The following MALRD1 variants were observed in gnomAD, a reference collection of about 807,000 sequenced individuals.
MALRD1 encodes MAM and LDL receptor class A domain containing 1.
In MALRD1, 247 loss-of-function variants were observed where a neutral mutation model predicts 242.1. The observed-to-expected ratio is 1.02, with a 90% CI of 0.92 to 1.13. MALRD1 has a LOEUF of 1.13. MALRD1 is among the 50% of genes most tolerant of loss of function. MALRD1 has a pLI of 0.00. For missense variants in MALRD1, 2,989 were observed against 2,533.1 expected (o/e 1.18, Z -3.86); for synonymous variants, 995 against 866.6 (o/e 1.15, Z -2.60).
intron 26 of MALRD1, among the ~76,000 whole-genome samples, chr10:19,373,616 G>A (rs1053570740): frequency 1.3e-5 from 2 of 152,162 alleles, no homozygotes; most frequent in South Asian, 2.1e-4. Flanking sequence ...TAAAATACTA[G>A]AGAAAACATT....
intron 26 of MALRD1, among the ~76,000 whole-genome samples, chr10:19,382,196 A>G (rs1845865415): frequency 6.6e-6 from 1 of 152,180 alleles, no homozygotes; most frequent in African/African-American, 2.4e-5. Flanking sequence ...AAAACTCTAG[A>G]TCATCCTCAC....
At chr10:19,484,718 C>T (rs1837163809) in intron 29 of MALRD1, among the ~76,000 whole-genome samples, 2 of 152,152 alleles carry the variant, frequency 1.3e-5, no homozygotes, top group South Asian at 2.1e-4. Flanking sequence ...TTATACACCA[C>T]TGATGGAAAT....
At chr10:19,209,816 T>G in intron 18 of MALRD1, 136 bp downstream of exon 18, 1 of 884,466 alleles carries the variant, frequency 1.1e-6, no homozygotes, top group South Asian at 1.9e-5. Context: ...TATCATTTAT[T>G]TGAGGGTGTA....
At chr10:19,103,303 T>G (rs1836335235) in intron 4 of MALRD1, among the ~76,000 whole-genome samples, 1 of 151,918 alleles carries the variant, frequency 6.6e-6, no homozygotes, top group Admixed American at 6.6e-5. Context: ...GGCTCAAGCC[T>G]GTAATCCCAA....
At chr10:19,168,283 C>T (rs1387300975) in intron 13 of MALRD1, among the ~76,000 whole-genome samples, 3 of 152,168 alleles carry the variant, frequency 2.0e-5, no homozygotes. Flanking sequence ...GTGTCAATCT[C>T]CATTGCAAGG....
intron 18 of MALRD1, among the ~76,000 whole-genome samples, chr10:19,246,620 A>T (rs2131767774): frequency 6.6e-6 from 1 of 152,250 alleles, no homozygotes; most frequent in African/African-American, 2.4e-5. Flanking sequence ...AGAACAAAAA[A>T]TAGAACTCAG....
At chr10:19,259,293 T>C (rs1248042970) in intron 19 of MALRD1, among the ~76,000 whole-genome samples, 1 of 152,134 alleles carries the variant, frequency 6.6e-6, no homozygotes, top group Non-Finnish European at 1.5e-5. Context: ...AAAGGCCTCT[T>C]AGCTAATACT....
chr10:19,578,965 T>C (rs967858062), intron 33 of MALRD1, among the ~76,000 whole-genome samples: 1 of 152,152 alleles, frequency 6.6e-6, no homozygotes, highest in Non-Finnish European at 1.5e-5. Context: ...CAACTTAATC[T>C]AATCACATTT....
chr10:19,547,818 A>ATT lies in MALRD1; in HGVS notation c.5478+16497_5478+16498dup, dbSNP rs869038128. ...TATATATATATATATATATATATATATTTTTTTTTTTTTTTTTTTTTTTTT... is the reference window on the plus strand; with the variant it reads ...TATATATATATATATATATATATATATTTTTTTTTTTTTTTTTTTTTTTTTTT... On this transcript the variant is annotated intron_variant, in intron 32 of 39. Transcript: ENST00000454679. 1.7e-3 allele frequency among the ~76,000 whole-genome samples: 29 copies of ATT among 16,914 alleles called. 2 individuals are homozygous for ATT. The highest frequency in any genetic ancestry group is 0.083 in the Middle Eastern group (1 of 12). The allele number at this position is 16,914 out of a possible 152,430, so 11.1% of individuals were successfully genotyped here. A position where few individuals can be genotyped will look rare whatever the true frequency, so the allele number is the denominator to read the frequency against.
chr10:19,575,473 A>G (rs1836764847), intron 33 of MALRD1, among the ~76,000 whole-genome samples: 1 of 137,714 alleles, frequency 7.3e-6, no homozygotes, highest in Admixed American at 7.9e-5. Flanking sequence ...ATGAAAGTAA[A>G]GGCCATGGTT....
chr10:19,298,056 A>G (rs1841787774), intron 21 of MALRD1, among the ~76,000 whole-genome samples: 1 of 152,018 alleles, frequency 6.6e-6, no homozygotes, highest in South Asian at 2.1e-4. Context: ...TAAATGAAAC[A>G]GGTTTATTTA....
intron 4 of MALRD1, among the ~76,000 whole-genome samples, chr10:19,099,716 C>T (rs535046417): frequency 1.4e-4 from 21 of 151,392 alleles, no homozygotes; most frequent in Non-Finnish European, 2.7e-4. Context: ...TACCATACAC[C>T]AACACAGCTC....
At chr10:19,202,654 T>A (rs1012995701) in intron 14 of MALRD1, among the ~76,000 whole-genome samples, 1 of 152,206 alleles carries the variant, frequency 6.6e-6, no homozygotes. Context: ...ATTGCTATAT[T>A]CCTTGATAAA....
In MALRD1 at chr10:19,450,442, G is replaced by A. The variant is rs1353694523; in HGVS notation, c.4981G>A (p.Gly1661Arg). 1.4e-5 allele frequency: 22 copies of A among 1,550,394 alleles called. No homozygotes were observed. Among genetic ancestry groups the A allele is most frequent in the Admixed American group, 2.0e-5 (1 of 50,956 alleles). ...TCAAGGTATCAGAACAAGGGACCTG[G>A]GAGGAGGAGCTGCAATTGATGATAT... ...IFQGIRTRDL[G>R]GGAAIDDIEF... Residue 1661 changes from glycine to arginine, a missense_variant, in exon 29 of 40, where the codon GGA becomes AGA. Physicochemically the swap from Gly to Arg is moderately radical, Grantham distance 125. Transcript: ENST00000454679.
At chr10:19,143,275 G>A (rs948332272) in intron 10 of MALRD1, among the ~76,000 whole-genome samples, 9 of 152,134 alleles carry the variant, frequency 5.9e-5, no homozygotes, top group South Asian at 2.1e-4. Flanking sequence ...ATGTCTTTGC[G>A]GTTGAGCGAC....
chr10:19,389,659 A>C, intron 28 of MALRD1, 50 bp downstream of exon 28: 1 of 1,517,030 alleles, frequency 6.6e-7, no homozygotes, highest in Non-Finnish European at 8.9e-7. Context: ...TCTGTTTTAG[A>C]GACAGGGTCT....
At chr10:19,248,151 T>C (rs1441528894) in intron 18 of MALRD1, among the ~76,000 whole-genome samples, 1 of 152,050 alleles carries the variant, frequency 6.6e-6, no homozygotes, top group East Asian at 1.9e-4. Context: ...GTTGTTTACA[T>C]ACTAAGGTTG....
chr10:19,587,368 A>T (rs773316301), intron 33 of MALRD1, among the ~76,000 whole-genome samples: 3 of 152,234 alleles, frequency 2.0e-5, no homozygotes, highest in Non-Finnish European at 2.9e-5. Flanking sequence ...ATCACTGCGT[A>T]TGACAATGTT....
chr10:19,719,405 C>T (rs544396919), intron 38 of MALRD1, among the ~76,000 whole-genome samples: 1 of 151,474 alleles, frequency 6.6e-6, no homozygotes, highest in Non-Finnish European at 1.5e-5. Flanking sequence ...GATTAAGTTA[C>T]AGAAACCTGG....
Sources: allele counts gnomAD v4.1 joint callset (sites outside exome capture counted in the v4.1 genomes callset), GRCh38; gene constraint gnomAD v4.1.1; transcripts MANE v1.5; gene names NCBI Gene and HGNC (gene_info 2026-07-23, HGNC 2026-07-21).